The following ADAMDEC1 variants were observed in gnomAD, a reference collection of about 807,000 sequenced individuals.
ADAMDEC1 encodes the protein ADAM like decysin 1, also known as ADAM DEC1.
ADAMDEC1 carries 62 observed loss-of-function variants against 60.4 expected under a neutral mutation model. That is an observed-to-expected ratio of 1.03 (90% CI 0.84 to 1.27). The LOEUF is 1.27. Ranked by LOEUF, ADAMDEC1 falls within the 50% of genes most tolerant of loss-of-function variation. The pLI is 0.00. For synonymous variants in ADAMDEC1, 210 were observed against 195.1 expected, an observed-to-expected ratio of 1.08 and a Z score of -0.64; for missense variants, 595 against 565.0, an observed-to-expected ratio of 1.05 and a Z score of -0.54.
Position 24,395,725 on chromosome 8 carries a change from CTG to C in ADAMDEC1, c.371_372del (p.Cys124LeufsTer3), listed in dbSNP as rs943993215. On this transcript the variant is annotated frameshift_variant, in exon 5 of 14. Transcript: ENST00000256412. LOFTEE classifies it high-confidence loss of function. ...ATTTCTTTTTTCCACTCCAGGAACACTGTTACTATAAAGGAAACATCCTAAAT... is the reference window on the plus strand; with the variant it reads ...ATTTCTTTTTTCCACTCCAGGAACACTTACTATAAAGGAAACATCCTAAAT... Reference protein sequence around the residue: ...ITTKPENMEHCYYKGNILNEK... With the variant: ...ITTKPENMEHXYYKGNILNEK... The C allele has an allele frequency of 9.9e-6, 16 of 1,612,038 alleles. No homozygotes were observed. Among genetic ancestry groups the C allele is most frequent in the Non-Finnish European group, 1.2e-5 (14 of 1,178,758 alleles).
chr8:24,390,786 AT>A lies in ADAMDEC1; in HGVS notation c.89-1466del, dbSNP rs1168762944. ...AAACAACACTGTTGGATTTGGTTTT[AT>A]TTTTTTTTTATTTGTTTTTTACTTT... On this transcript the variant is annotated intron_variant, in intron 1 of 13. Coordinates refer to ENST00000256412, the MANE Select transcript of ADAMDEC1 (RefSeq NM_014479.3). Among the ~76,000 whole-genome samples, 234 of 149,624 alleles carry A rather than the reference AT, an allele frequency of 1.6e-3. 1 individual carries two copies. Among genetic ancestry groups the A allele is most frequent in the South Asian group, 6.4e-3 (30 of 4,722 alleles).
rs754054317 is a variant in ADAMDEC1, at chr8:24,392,336, A to C, written c.163A>C (p.Lys55Gln). The part of the protein sequence containing the change: ...VCPKKLHILH[K>Q]REIKNNQTEK... ...TCCTAAAAAACTTCACATTTTACAC[A>C]AAAGAGAGATCAAGAACAACCAGAC... The change falls in exon 2 of 14, where the codon AAA becomes CAA. Residue 55 changes from lysine (K) to glutamine (Q), a missense_variant. Coordinates refer to ENST00000256412, the MANE Select transcript of ADAMDEC1 (RefSeq NM_014479.3). The C allele has an allele frequency of 6.2e-7, 1 of 1,612,590 alleles. No homozygotes were observed. The highest frequency in any genetic ancestry group is 8.5e-7 in the Non-Finnish European group (1 of 1,179,240).
At chr8:24,386,638 C>T (rs555461500) in intron 1 of ADAMDEC1, among the ~76,000 whole-genome samples, 1 of 152,302 alleles carries the variant, frequency 6.6e-6, no homozygotes, top group Admixed American at 6.5e-5. Context: ...CCTTCTCATA[C>T]AAGGACATTG....
rs1472294192 is a variant in ADAMDEC1 at position 24,405,336 on chromosome 8, G to A, written c.*38G>A. 25 of 1,609,614 alleles carry A rather than the reference G, an allele frequency of 1.6e-5. No homozygotes were observed. Among genetic ancestry groups the A allele is most frequent in the Non-Finnish European group, 2.1e-5 (25 of 1,177,444 alleles). ...GCTTCACTGAGATGCTACCTTGCCA[G>A]GACAAGAACCAAGAACTCTAACTGT... On this transcript the variant is annotated 3_prime_UTR_variant, in exon 14 of 14. Coordinates refer to ENST00000256412, the MANE Select transcript of ADAMDEC1 (RefSeq NM_014479.3).
chr8:24,405,194 C>T, intron 13 of ADAMDEC1, 98 bp from the exon 14 acceptor site: 1 of 1,209,306 alleles, frequency 8.3e-7, no homozygotes. Flanking sequence ...TTGTTATTCA[C>T]ATAATTTAAA....
rs1365510765 is a variant in ADAMDEC1 at position 24,395,768 on chromosome 8, G to A, written c.412G>A (p.Ala138Thr). The change falls in exon 5 of 14, where the codon GCC becomes ACC. Residue 138 changes from alanine (A) to threonine (T), a missense_variant. Physicochemically the swap from Ala to Thr is moderately conservative, Grantham distance 58. Transcript: ENST00000256412. The part of the protein sequence containing the change: ...GNILNEKNSV[A>T]SISTCDGLRG... ...CATCCTAAATGAAAAGAATTCTGTT[G>A]CCAGCATCAGTACTTGTGACGGGTT... 3 of 1,613,390 alleles carry A rather than the reference G, an allele frequency of 1.9e-6. No homozygotes were observed. The highest frequency in any genetic ancestry group is 1.7e-6 in the Non-Finnish European group (2 of 1,179,804).
rs1817245688 is a variant in ADAMDEC1 at position 24,384,566 on chromosome 8, T to C, written c.62T>C (p.Val21Ala). 9.9e-6 allele frequency: 16 copies of C among 1,611,262 alleles called. No individual in the cohort carries two copies. Among genetic ancestry groups the C allele is most frequent in the Non-Finnish European group, 1.2e-5 (14 of 1,178,660 alleles). Residue 21 changes from valine (V) to alanine (A), a missense_variant, in exon 1 of 14, where the codon GTA becomes GCA. Val to Ala is a moderately conservative substitution (Grantham distance 64, BLOSUM62 0). Transcript: ENST00000256412. ...ACCATGTCTTGGGTCCTGCTGCCTGTACTTTGGCTCATTGTTCAAACTCAA... is the reference window on the plus strand; with the variant it reads ...ACCATGTCTTGGGTCCTGCTGCCTGCACTTTGGCTCATTGTTCAAACTCAA... ...VATMSWVLLP[V>A]LWLIVQTQAI...
At chr8:24,385,821 AT>A (rs1387823552) in intron 1 of ADAMDEC1, among the ~76,000 whole-genome samples, 9 of 152,182 alleles carry the variant, frequency 5.9e-5, no homozygotes, top group Non-Finnish European at 1.0e-4. Flanking sequence ...TTATAATTGC[AT>A]TATTAAACAA....
At position 24,401,961 on chromosome 8, in the gene ADAMDEC1, GA is replaced by G. The variant is rs1300272906; in HGVS notation, c.1192del (p.Arg398AspfsTer20). 1.2e-6 allele frequency: 2 copies of G among 1,612,974 alleles called. No homozygotes were observed. Among genetic ancestry groups the G allele is most frequent in the Non-Finnish European group, 1.7e-6 (2 of 1,179,560 alleles). ...DFSTSCRAHF[E>X]RYLLSQKPKC... ...CAGTACATCTTGCCGTGCACATTTT[GA>G]AAGATACCTTTTATCTCAGAAACCA... On this transcript the variant is annotated frameshift_variant, in exon 12 of 14. Transcript: ENST00000256412. LOFTEE classifies it high-confidence loss of function.
chr8:24,403,271 A>G (rs1454273053), intron 12 of ADAMDEC1, among the ~76,000 whole-genome samples: 1 of 152,118 alleles, frequency 6.6e-6, no homozygotes, highest in African/African-American at 2.4e-5. Context: ...AAAAAGTAGT[A>G]TGTATACTTC....
rs574365393 is a variant in ADAMDEC1, at chr8:24,397,665, C to T, written c.628-18C>T. On this transcript the variant is annotated intron_variant, in intron 6 of 13. Coordinates refer to ENST00000256412, the MANE Select transcript of ADAMDEC1 (RefSeq NM_014479.3). ...GATAAAGATAATGATTAACAATGTTCTTTTATTCTTTGTAAAGAAAGAAGA... is the reference window on the plus strand; with the variant it reads ...GATAAAGATAATGATTAACAATGTTTTTTTATTCTTTGTAAAGAAAGAAGA... 6.2e-7 allele frequency: 1 copy of T among 1,606,704 alleles called. No homozygotes were observed. The highest frequency in any genetic ancestry group is 8.5e-7 in the Non-Finnish European group (1 of 1,174,404).
intron 1 of ADAMDEC1, among the ~76,000 whole-genome samples, chr8:24,384,909 A>G (rs187129672): frequency 6.6e-6 from 1 of 152,284 alleles, no homozygotes; most frequent in Non-Finnish European, 1.5e-5. Flanking sequence ...AAAGCTACAT[A>G]TTGTTCCATT....
chr8:24,386,865 A>G lies in ADAMDEC1; in HGVS notation c.88+2273A>G, dbSNP rs529376015. 2.6e-5 allele frequency among the ~76,000 whole-genome samples: 4 copies of G among 152,328 alleles called. No individual in the cohort carries two copies. The South Asian group carries it at 8.3e-4, about 32-fold the overall frequency. ...CTCAGACACAGGTATGCAGTGTAAG[A>G]GCAGCTAGCTAGAGCTGCCTGGCCC... On this transcript the variant is annotated intron_variant, in intron 1 of 13. Coordinates refer to ENST00000256412, the MANE Select transcript of ADAMDEC1 (RefSeq NM_014479.3).
chr8:24,385,988 G>T (rs1817281713), intron 1 of ADAMDEC1, among the ~76,000 whole-genome samples: 1 of 151,828 alleles, frequency 6.6e-6, no homozygotes, highest in Non-Finnish European at 1.5e-5. Context: ...ATTCCTCAGA[G>T]GTCTCAAAAT....
intron 3 of ADAMDEC1, among the ~76,000 whole-genome samples, 191 bp from the exon 4 acceptor site, chr8:24,393,878 C>T (rs932102915): frequency 4.6e-5 from 7 of 152,146 alleles, no homozygotes; most frequent in South Asian, 2.1e-4. Context: ...CTTCCTCCCT[C>T]GGATTTAATA....
At chr8:24,403,761 A>C (rs558099191) in intron 12 of ADAMDEC1, among the ~76,000 whole-genome samples, 1 of 152,150 alleles carries the variant, frequency 6.6e-6, no homozygotes, top group East Asian at 1.9e-4. Flanking sequence ...ATCTAGACAA[A>C]ATTTATTTTT....
At chr8:24,402,948 C>T (rs756896555) in intron 12 of ADAMDEC1, among the ~76,000 whole-genome samples, 8 of 152,058 alleles carry the variant, frequency 5.3e-5, no homozygotes, top group Non-Finnish European at 1.2e-4. Flanking sequence ...ACGTTTATCT[C>T]GTTCTTACTT....
At chr8:24,398,448 T>G (rs1405457704) in intron 7 of ADAMDEC1, 32 bp from the exon 8 acceptor site, 1 of 1,355,362 alleles carries the variant, frequency 7.4e-7, no homozygotes, top group African/African-American at 1.5e-5. Context: ...TAATCTGCTA[T>G]TTCACTATAC....
At chr8:24,396,238 C>T (rs1179056358) in intron 5 of ADAMDEC1, among the ~76,000 whole-genome samples, 2 of 152,136 alleles carry the variant, frequency 1.3e-5, no homozygotes, top group South Asian at 2.1e-4. Context: ...AGGCCGGGTG[C>T]GGTGGCTCAC....
Sources: gnomAD v4.1 joint callset for allele counts (sites outside exome capture counted in the v4.1 genomes callset) on GRCh38, gnomAD v4.1.1 for gene constraint, MANE v1.5 for transcripts, NCBI Gene and HGNC (gene_info 2026-07-23, HGNC 2026-07-21) for gene names.